ATP6V1A: variants seen among roughly 807,000 people sequenced by gnomAD.
The protein encoded by ATP6V1A is V-type proton ATPase catalytic subunit A.
A neutral mutation model predicts 70.1 loss-of-function variants in ATP6V1A; 18 were observed. That is an observed-to-expected ratio of 0.26 (90% CI 0.18 to 0.38). ATP6V1A has a LOEUF of 0.38. ATP6V1A is among the 10% of genes least tolerant of loss of function. The pLI is 1.00. For synonymous variants in ATP6V1A, 232 were observed against 253.8 expected (o/e 0.91, Z 0.82); for missense variants, 424 against 772.4 (o/e 0.55, Z 5.35).
intron 3 of ATP6V1A, among the ~76,000 whole-genome samples, chr3:113,782,813 G>A (rs1708994349): frequency 1.3e-5 from 2 of 151,542 alleles, no homozygotes; most frequent in African/African-American, 4.9e-5. Context: ...TAGTAGAGAT[G>A]GGGTTTCACC....
intron 6 of ATP6V1A, among the ~76,000 whole-genome samples, chr3:113,788,263 A>G (rs1423380894): frequency 6.6e-6 from 1 of 151,954 alleles, no homozygotes; most frequent in African/African-American, 2.4e-5. Context: ...TTTATTGAAT[A>G]TATTTCATAG....
intron 8 of ATP6V1A, among the ~76,000 whole-genome samples, chr3:113,791,422 A>G (rs113335782): frequency 6.7e-6 from 1 of 148,604 alleles, no homozygotes; most frequent in Admixed American, 6.7e-5. Flanking sequence ...CTGTGGTCAC[A>G]GTTTTCATTT....
At chr3:113,767,671 A>G (rs1034887473) in intron 1 of ATP6V1A, among the ~76,000 whole-genome samples, 5 of 149,522 alleles carry the variant, frequency 3.3e-5, no homozygotes, top group Admixed American at 6.6e-5. Context: ...TTTTTTTTTT[A>G]GTTGGAGTCT....
At chr3:113,786,761 TTTCTTC>T (rs894850770) in intron 6 of ATP6V1A, among the ~76,000 whole-genome samples, 6 of 151,558 alleles carry the variant, frequency 4.0e-5, no homozygotes, top group African/African-American at 1.5e-4. Context: ...TGTAACTCTG[TTTCTTC>T]TTCTTCTTCT....
chr3:113,809,335 G>A lies in ATP6V1A; in HGVS notation c.1762G>A (p.Asp588Asn). The A allele has an allele frequency of 6.2e-7, 1 of 1,608,818 alleles. No homozygotes were observed. Among genetic ancestry groups the A allele is most frequent in the Non-Finnish European group, 8.5e-7 (1 of 1,176,392 alleles). Residue 588 changes from aspartate to asparagine, a missense_variant and splice_region_variant, in exon 15 of 15, where the codon GAT (aspartate) becomes AAT (asparagine). Around this residue, in one of 9 missense-constraint regions of ATP6V1A, gnomAD observed 127 missense variants for 207.9 expected, o/e 0.61. Coordinates refer to ENST00000273398, the MANE Select transcript of ATP6V1A (RefSeq NM_001690.4). ...LYKLSSMKFK[D>N]PLKDGEAKIK... The stretch of plus-strand genomic sequence containing the variant: ...TTGAATTTGTAATGTCTTCTTTCAG[G>A]ATCCACTGAAAGATGGTGAGGCAAA...
In ATP6V1A at chr3:113,781,095, TGA is replaced by T; in HGVS notation, c.132_133del (p.Arg44SerfsTer16). 6.2e-7 allele frequency: 1 copy of T among 1,613,166 alleles called. No homozygotes were observed. The highest frequency in any genetic ancestry group is 8.5e-7 in the Non-Finnish European group (1 of 1,179,430). On this transcript the variant is annotated frameshift_variant, in exon 3 of 15. Coordinates refer to ENST00000273398, the MANE Select transcript of ATP6V1A (RefSeq NM_001690.4). LOFTEE classifies it high-confidence loss of function. Reference sequence around the variant, plus strand: ...GCGGGTGCAGCCATGTATGAGCTGGTGAGAGTGGGCCACAGCGAATTGGTTGG... The same window carrying T: ...GCGGGTGCAGCCATGTATGAGCTGGTGAGTGGGCCACAGCGAATTGGTTGG...
chr3:113,757,482 C>A (rs1708658269), intron 1 of ATP6V1A, among the ~76,000 whole-genome samples: 1 of 152,218 alleles, frequency 6.6e-6, no homozygotes, highest in African/African-American at 2.4e-5. Flanking sequence ...GGACAACAAA[C>A]CCTTCTATGC....
chr3:113,772,620 C>T (rs1319770189), intron 1 of ATP6V1A, among the ~76,000 whole-genome samples: 5 of 150,660 alleles, frequency 3.3e-5, no homozygotes, highest in African/African-American at 9.8e-5. Flanking sequence ...ACCAGCTACT[C>T]GGGAGGCTGA....
At chr3:113,768,676 A>C (rs1577084004) in intron 1 of ATP6V1A, among the ~76,000 whole-genome samples, 1 of 148,622 alleles carries the variant, frequency 6.7e-6, no homozygotes, top group Non-Finnish European at 1.5e-5. Context: ...GCTCAGTGCA[A>C]CCTCTGCCTT....
In ATP6V1A at chr3:113,782,564, A is replaced by G. The variant is rs181282578; in HGVS notation, c.211+1386A>G. On this transcript the variant is annotated intron_variant, in intron 3 of 14. Transcript: ENST00000273398. ...TCTCTATATATATATATACATGTGT[A>G]TATATATACGTATATATATACACAT... Among the ~76,000 whole-genome samples, 1,222 of 146,206 alleles carry G rather than the reference A, an allele frequency of 8.4e-3. 12 individuals carry two copies. Among genetic ancestry groups the G allele is most frequent in the African/African-American group, 0.027 (1,091 of 39,992 alleles).
chr3:113,752,009 CTAT>C (rs1708592553), intron 1 of ATP6V1A, among the ~76,000 whole-genome samples: 1 of 151,704 alleles, frequency 6.6e-6, no homozygotes, highest in Non-Finnish European at 1.5e-5. Context: ...TTAAAAATCA[CTAT>C]TATTTTTGGT....
intron 14 of ATP6V1A, among the ~76,000 whole-genome samples, chr3:113,807,151 C>T (rs958419729): frequency 4.0e-5 from 6 of 150,774 alleles, no homozygotes; most frequent in African/African-American, 4.9e-5. Flanking sequence ...CGGATATACA[C>T]GGTCGTTTAT....
At chr3:113,755,806 C>T (rs1185173846) in intron 1 of ATP6V1A, among the ~76,000 whole-genome samples, 3 of 152,110 alleles carry the variant, frequency 2.0e-5, no homozygotes, top group Non-Finnish European at 4.4e-5. Flanking sequence ...CATCCTTATT[C>T]TTTTCTTCCC....
chr3:113,775,699 A>G (rs943442314), intron 1 of ATP6V1A, among the ~76,000 whole-genome samples: 2 of 152,176 alleles, frequency 1.3e-5, no homozygotes, highest in Non-Finnish European at 2.9e-5. Context: ...CTGACCCAAG[A>G]TCTCATGCTG....
At chr3:113,784,480 A>G (rs746494049) in intron 4 of ATP6V1A, 42 bp downstream of exon 4, 14 of 1,532,402 alleles carry the variant, frequency 9.1e-6, no homozygotes, top group Non-Finnish European at 1.2e-5. Context: ...TATTGAAAGA[A>G]TATAAAATGA....
intron 13 of ATP6V1A, 133 bp downstream of exon 13, chr3:113,803,810 A>T: frequency 1.6e-6 from 1 of 626,404 alleles, no homozygotes; most frequent in East Asian, 2.7e-5. Flanking sequence ...GTTTATTTGT[A>T]TATTTGTAGT....
chr3:113,804,537 C>T, intron 13 of ATP6V1A, among the ~76,000 whole-genome samples: 1 of 151,942 alleles, frequency 6.6e-6, no homozygotes, highest in Non-Finnish European at 1.5e-5. Context: ...TATCTTTTCT[C>T]CCTCAAATCA....
chr3:113,755,772 A>G (rs1708641303), intron 1 of ATP6V1A, among the ~76,000 whole-genome samples: 1 of 152,220 alleles, frequency 6.6e-6, no homozygotes, highest in Non-Finnish European at 1.5e-5. Flanking sequence ...TTATATATTC[A>G]TACAAGTGTG....
chr3:113,781,389 C>T (rs997436752), intron 3 of ATP6V1A, among the ~76,000 whole-genome samples: 2 of 151,890 alleles, frequency 1.3e-5, no homozygotes, highest in East Asian at 1.9e-4. Flanking sequence ...TAGTGGCAGG[C>T]GCCTGTAATC....
Sources: gnomAD v4.1 joint callset for allele counts (sites outside exome capture counted in the v4.1 genomes callset) on GRCh38, gnomAD v4.1.1 for gene constraint, gnomAD v4.1.1 regional missense constraint, MANE v1.5 for transcripts, NCBI Gene and HGNC (gene_info 2026-07-23, HGNC 2026-07-21) for gene names.